The following TOM1L1 variants were observed in gnomAD, a reference collection of about 807,000 sequenced individuals.
The protein encoded by TOM1L1 is TOM1-like protein 1.
A neutral mutation model predicts 63.4 loss-of-function variants in TOM1L1; 64 were observed. The observed-to-expected ratio is 1.01, with a 90% confidence interval of 0.83 to 1.24. The LOEUF (loss-of-function observed/expected upper bound fraction) is 1.24. TOM1L1 is among the 50% of genes most tolerant of loss of function. The pLI is 0.00. For missense variants in TOM1L1, 536 were observed against 567.0 expected (o/e 0.95, Z 0.55); for synonymous variants, 166 against 194.4 (o/e 0.85, Z 1.22).
intron 6 of TOM1L1, among the ~76,000 whole-genome samples, chr17:54,915,380 G>A (rs930270290): frequency 6.6e-6 from 1 of 151,890 alleles, no homozygotes; most frequent in Admixed American, 6.6e-5. Context: ...TTACCCTATT[G>A]GTTGCCAAGA....
At chr17:54,940,571 A>G (rs995440359) in intron 11 of TOM1L1, among the ~76,000 whole-genome samples, 2 of 152,238 alleles carry the variant, frequency 1.3e-5, no homozygotes, top group African/African-American at 4.8e-5. Flanking sequence ...AAACAACTCA[A>G]AATATCCCTC....
intron 12 of TOM1L1, 134 bp from the exon 13 acceptor site, chr17:54,949,384 A>G (rs2049174226): frequency 1.6e-6 from 1 of 625,046 alleles, no homozygotes. Context: ...AAACTAAAGT[A>G]ATAATTAAAA....
chr17:54,957,074 G>A (rs936584396), intron 14 of TOM1L1: 1 of 152,212 alleles, frequency 6.6e-6, no homozygotes, highest in African/African-American at 2.4e-5. Context: ...ATTCCACACA[G>A]GGTTTGGGGA....
chr17:54,912,476 A>G (rs527309542), intron 3 of TOM1L1, among the ~76,000 whole-genome samples, 190 bp from the exon 4 acceptor site: 3 of 152,284 alleles, frequency 2.0e-5, no homozygotes, highest in African/African-American at 7.2e-5. Flanking sequence ...TGTCCTCCAG[A>G]CTGTTACATT....
At chr17:54,946,080 T>C (rs2049113626) in intron 11 of TOM1L1, among the ~76,000 whole-genome samples, 1 of 152,230 alleles carries the variant, frequency 6.6e-6, no homozygotes, top group Admixed American at 6.5e-5. Flanking sequence ...CTATGGGCGG[T>C]GGCTCCAATG....
chr17:54,929,525 C>A (rs1598030330), intron 7 of TOM1L1, among the ~76,000 whole-genome samples: 1 of 152,168 alleles, frequency 6.6e-6, no homozygotes, highest in East Asian at 1.9e-4. Flanking sequence ...TGTTTAAGTA[C>A]AACGTAACAG....
chr17:54,943,241 T>A (rs1315380547), intron 11 of TOM1L1, among the ~76,000 whole-genome samples: 1 of 152,210 alleles, frequency 6.6e-6, no homozygotes, highest in Non-Finnish European at 1.5e-5. Context: ...TTTTTATATA[T>A]TCTCATAATC....
intron 7 of TOM1L1, among the ~76,000 whole-genome samples, chr17:54,922,610 AAG>A (rs1433668705): frequency 6.6e-6 from 1 of 152,238 alleles, no homozygotes; most frequent in Non-Finnish European, 1.5e-5. Context: ...AAAATTAAAA[AAG>A]AAAAATTTCT....
At chr17:54,931,964 G>GTTTGTTTGTTTGTTTT (rs2048868957) in intron 8 of TOM1L1, among the ~76,000 whole-genome samples, 1 of 75,086 alleles carries the variant, frequency 1.3e-5, no homozygotes. Flanking sequence ...TTTTTTGTTT[G>GTTTGTTTGTTTGTTTT]TTTGTTTGTT....
intron 8 of TOM1L1, among the ~76,000 whole-genome samples, chr17:54,932,450 T>G (rs1016949806): frequency 2.6e-5 from 4 of 152,148 alleles, no homozygotes; most frequent in Non-Finnish European, 2.9e-5. Flanking sequence ...GCTTGTGGAT[T>G]TCATTTCTGC....
chr17:54,931,959 TGTTTGTTTGTTTG>T (rs2048868061), intron 8 of TOM1L1, among the ~76,000 whole-genome samples: 1 of 56,074 alleles, frequency 1.8e-5, no homozygotes, highest in African/African-American at 5.3e-5. Flanking sequence ...GTTTTTTTTT[TGTTTGTTTGTTTG>T]TTTGTTTTTT....
chr17:54,905,244 A>G (rs1201225440), intron 2 of TOM1L1, among the ~76,000 whole-genome samples: 1 of 152,220 alleles, frequency 6.6e-6, no homozygotes, highest in Non-Finnish European at 1.5e-5. Context: ...TTTCTAGGTA[A>G]TAGTCTTGTA....
chr17:54,948,597 G>C (rs769846038), intron 12 of TOM1L1, among the ~76,000 whole-genome samples: 4 of 152,080 alleles, frequency 2.6e-5, no homozygotes, highest in Non-Finnish European at 4.4e-5. Flanking sequence ...TTCCACCCCA[G>C]TCTCTCTCCC....
chr17:54,942,854 C>G (rs943759530), intron 11 of TOM1L1, among the ~76,000 whole-genome samples: 9 of 152,210 alleles, frequency 5.9e-5, no homozygotes, highest in Non-Finnish European at 1.2e-4. Context: ...CCCTGACCCT[C>G]AATCCCCAGC....
chr17:54,938,706 T>C (rs1036280148), intron 10 of TOM1L1: 56 of 412,016 alleles, frequency 1.4e-4, no homozygotes, highest in Non-Finnish European at 2.0e-4. Context: ...TCTTTCTCTC[T>C]CTACCTACCA....
Position 54,914,734 on chromosome 17 carries a change from C to T in TOM1L1, c.594C>T (p.Val198=). 6.2e-7 allele frequency: 1 copy of T among 1,608,348 alleles called. No individual in the cohort carries two copies. The highest frequency in any genetic ancestry group is 8.5e-7 in the Non-Finnish European group (1 of 1,175,140). Reference sequence around the variant, plus strand: ...CAAAGAACTCGACTGTTACATTGGTCCCAGAACAGGTAACAACAACAATCA... The same window carrying T: ...CAAAGAACTCGACTGTTACATTGGTTCCAGAACAGGTAACAACAACAATCA... ...IAPKNSTVTL[V]PEQIGKLHSE... is the part of the protein sequence containing the mutation. Residue 198 remains valine, a synonymous_variant, in exon 6 of 16, where the codon GTC becomes GTT. Coordinates refer to ENST00000575882, the MANE Select transcript of TOM1L1 (RefSeq NM_005486.3).
chr17:54,953,752 C>T (rs2049351423), intron 14 of TOM1L1: 1 of 152,154 alleles, frequency 6.6e-6, no homozygotes, highest in Non-Finnish European at 1.5e-5. Flanking sequence ...CATCTCTTTA[C>T]TATAGACCTT....
At chr17:54,960,061 CAT>C (rs986431057) in intron 14 of TOM1L1, among the ~76,000 whole-genome samples, 11 of 151,986 alleles carry the variant, frequency 7.2e-5, no homozygotes, top group Admixed American at 1.3e-4. Flanking sequence ...TTTTAAGAGA[CAT>C]AGGAATTGCA....
chr17:54,914,450 T>C (rs1351011957), intron 5 of TOM1L1, among the ~76,000 whole-genome samples, 189 bp from the exon 6 acceptor site: 1 of 152,292 alleles, frequency 6.6e-6, no homozygotes, highest in East Asian at 1.9e-4. Flanking sequence ...ACCTGCTTTA[T>C]TATGGGCATG....
Sources: allele counts gnomAD v4.1 joint callset (sites outside exome capture counted in the v4.1 genomes callset), GRCh38; gene constraint gnomAD v4.1.1; transcripts MANE v1.5; gene names NCBI Gene and HGNC (gene_info 2026-07-23, HGNC 2026-07-21).